RIMS2: variants seen among roughly 807,000 people sequenced by gnomAD.
RIMS2 encodes regulating synaptic membrane exocytosis protein 2.
A neutral mutation model predicts 174.4 loss-of-function variants in RIMS2; 59 were observed. That is an observed-to-expected ratio of 0.34 (90% confidence interval 0.27 to 0.42). The LOEUF (loss-of-function observed/expected upper bound fraction) is 0.42, where lower values mean the gene tolerates loss of function less well. Among genes scored for constraint, RIMS2 ranks in the 10% least tolerant of loss-of-function variants. The pLI is 1.00. For synonymous variants in RIMS2, 606 were observed against 572.5 expected (o/e 1.06, Z -0.84); for missense variants, 1,620 against 1,666.3 (o/e 0.97, Z 0.48).
At chr8:104,199,834 G>T (rs574463758) in intron 19 of RIMS2, among the ~76,000 whole-genome samples, 1 of 152,156 alleles carries the variant, frequency 6.6e-6, no homozygotes, top group Admixed American at 6.5e-5. Flanking sequence ...ACTGGGTGGC[G>T]CTGGAAATGC....
intron 3 of RIMS2, among the ~76,000 whole-genome samples, chr8:103,863,887 GTT>G (rs61377008): frequency 1.5e-5 from 2 of 136,038 alleles, no homozygotes; most frequent in Admixed American, 7.2e-5. Flanking sequence ...AAAGAACCAA[GTT>G]TTTTTTTTTG....
intron 20 of RIMS2, among the ~76,000 whole-genome samples, chr8:104,248,006 T>C (rs1588218869): frequency 6.6e-6 from 1 of 152,116 alleles, no homozygotes; most frequent in Non-Finnish European, 1.5e-5. Flanking sequence ...GAAGGAAAAG[T>C]GGGAAACCAG....
At chr8:103,793,922 G>A (rs922231189) in intron 3 of RIMS2, among the ~76,000 whole-genome samples, 1 of 152,092 alleles carries the variant, frequency 6.6e-6, no homozygotes, top group South Asian at 2.1e-4. Flanking sequence ...ACTGCTCAAC[G>A]AAATAAAAGA....
chr8:103,545,171 A>G (rs113335551), intron 1 of RIMS2, among the ~76,000 whole-genome samples: 1 of 152,230 alleles, frequency 6.6e-6, no homozygotes, highest in Non-Finnish European at 1.5e-5. Flanking sequence ...AGAGATAAAG[A>G]CAAAATGGCC....
chr8:104,145,164 TATCATTATAGCTAAATC>T (rs1237246216), intron 19 of RIMS2, among the ~76,000 whole-genome samples: 1 of 152,206 alleles, frequency 6.6e-6, no homozygotes, highest in Admixed American at 6.5e-5. Context: ...GTGCAATAAA[TATCATTATAGCTAAATC>T]TGTACACATT....
At chr8:103,885,923 C>A in exon 4 of RIMS2, 1 of 1,613,004 alleles carries the variant, frequency 6.2e-7, no homozygotes, top group East Asian at 2.2e-5. Flanking sequence ...GAGTCCACTA[C>A]CCATAGATAG....
At chr8:103,843,505 T>C (rs751475541) in intron 3 of RIMS2, among the ~76,000 whole-genome samples, 11 of 152,232 alleles carry the variant, frequency 7.2e-5, no homozygotes, top group Non-Finnish European at 1.6e-4. Flanking sequence ...AGGATATTGA[T>C]GATGTTTTTT....
chr8:103,561,123 T>G (rs1371270193), intron 1 of RIMS2, among the ~76,000 whole-genome samples: 1 of 152,228 alleles, frequency 6.6e-6, no homozygotes, highest in Non-Finnish European at 1.5e-5. Flanking sequence ...TGCAGCTTCC[T>G]GCGGCTTTTT....
At chr8:103,987,222 G>T (rs1039297433) in intron 16 of RIMS2, among the ~76,000 whole-genome samples, 2 of 151,844 alleles carry the variant, frequency 1.3e-5, no homozygotes, top group Non-Finnish European at 2.9e-5. Flanking sequence ...GAACTCCTGG[G>T]CTCAAGCAAT....
At chr8:103,871,325 C>A (rs2099110561) in intron 3 of RIMS2, among the ~76,000 whole-genome samples, 1 of 152,078 alleles carries the variant, frequency 6.6e-6, no homozygotes, top group African/African-American at 2.4e-5. Context: ...ACCTGGGAGG[C>A]AGAGGTTGCA....
chr8:103,986,788 G>T (rs563721768), intron 16 of RIMS2, among the ~76,000 whole-genome samples: 4 of 151,780 alleles, frequency 2.6e-5, no homozygotes, highest in Admixed American at 2.6e-4. Context: ...CAGGAGAATC[G>T]CTTGTACCTG....
intron 19 of RIMS2, among the ~76,000 whole-genome samples, chr8:104,097,910 C>A (rs2097790649): frequency 6.6e-6 from 1 of 151,986 alleles, no homozygotes; most frequent in Admixed American, 6.6e-5. Flanking sequence ...TACTTTTACA[C>A]CAACCTAATA....
chr8:104,174,379 G>A (rs1391325554), intron 19 of RIMS2, among the ~76,000 whole-genome samples: 2 of 151,054 alleles, frequency 1.3e-5, no homozygotes, highest in East Asian at 3.9e-4. Flanking sequence ...TAAATGGCAA[G>A]CTGAAAGATT....
At chr8:104,177,572 G>A (rs1465753602) in intron 19 of RIMS2, among the ~76,000 whole-genome samples, 1 of 152,046 alleles carries the variant, frequency 6.6e-6, no homozygotes, top group Non-Finnish European at 1.5e-5. Flanking sequence ...ACGCTTAAAT[G>A]TGATCTCTTC....
chr8:103,770,587 C>T (rs1055543252), intron 3 of RIMS2, among the ~76,000 whole-genome samples: 6 of 151,986 alleles, frequency 3.9e-5, no homozygotes, highest in African/African-American at 1.4e-4. Flanking sequence ...AAAAAAAAAC[C>T]CTGCAAATAT....
At chr8:104,053,194 T>C (rs1272672785) in intron 19 of RIMS2, among the ~76,000 whole-genome samples, 2 of 152,204 alleles carry the variant, frequency 1.3e-5, no homozygotes, top group African/African-American at 4.8e-5. Flanking sequence ...GAGTTCTTGC[T>C]AATGAACCAC....
At chr8:104,054,989 T>C (rs1240274027) in intron 19 of RIMS2, among the ~76,000 whole-genome samples, 1 of 152,168 alleles carries the variant, frequency 6.6e-6, no homozygotes, top group Non-Finnish European at 1.5e-5. Context: ...AATCCATTTA[T>C]GATTCCACTC....
intron 1 of RIMS2, among the ~76,000 whole-genome samples, chr8:103,606,468 G>A (rs965000039): frequency 3.3e-5 from 5 of 152,138 alleles, no homozygotes; most frequent in Non-Finnish European, 5.9e-5. Flanking sequence ...TGAAAAAAAT[G>A]TATATTCTGT....
At position 103,975,355 on chromosome 8, in the gene RIMS2, C is replaced by T; in HGVS notation, c.2776C>T (p.Arg926Ter). 6.2e-7 allele frequency: 1 copy of T among 1,609,088 alleles called. No homozygotes were observed. The highest frequency in any genetic ancestry group is 8.5e-7 in the Non-Finnish European group (1 of 1,175,750). ...TATTAATTTTCTACCTTTAGATTATCGACATGATGGTCGAGATCTTCAAAG... is the reference window on the plus strand; with the variant it reads ...TATTAATTTTCTACCTTTAGATTATTGACATGATGGTCGAGATCTTCAAAG... The change falls in exon 16 of 24, where the codon CGA (arginine) becomes TGA (stop). Residue 926 changes from arginine (R) to a stop codon, truncating the protein, a stop_gained. Coordinates refer to ENST00000504942, the Ensembl canonical transcript of RIMS2. LOFTEE classifies it high-confidence loss of function.
Sources: allele counts gnomAD v4.1 joint callset (sites outside exome capture counted in the v4.1 genomes callset), GRCh38; gene constraint gnomAD v4.1.1; transcripts MANE v1.5; gene names NCBI Gene and HGNC (gene_info 2026-07-23, HGNC 2026-07-21).